The following CAPN15 variants were observed in gnomAD, a reference collection of about 807,000 sequenced individuals.
The protein encoded by CAPN15 is calpain-15.
A neutral mutation model predicts 97.9 loss-of-function variants in CAPN15; 53 were observed. The ratio of observed to expected loss-of-function variants is 0.54; its 90% CI spans 0.43 to 0.68. CAPN15 has a LOEUF of 0.68. Ranked by LOEUF, CAPN15 falls within the 30% of genes least tolerant of loss-of-function variation. The probability of loss-of-function intolerance (pLI) is 0.00; values close to 1 mark genes in which losing one functional copy is unlikely to be tolerated. For missense variants in CAPN15, 1,592 were observed against 1,589.8 expected (o/e 1.00, Z -0.02); for synonymous variants, 922 against 722.5 (o/e 1.28, Z -4.43).
At chr16:551,770 T>G (rs565993956) in intron 9 of CAPN15, 106 bp downstream of exon 9, 31 of 1,442,546 alleles carry the variant, frequency 2.1e-5, no homozygotes, top group Middle Eastern at 1.8e-4. Context: ...GTGGGGCGGC[T>G]TGTTCGTGGC....
chr16:549,575 G>A (rs2034845660), intron 6 of CAPN15, 40 bp from the exon 7 acceptor site: 1 of 1,502,538 alleles, frequency 6.7e-7, no homozygotes, highest in South Asian at 1.2e-5. Flanking sequence ...GGGTAGTGTG[G>A]GGGGCGGGCG....
chr16:537,339 A>G (rs2033804070), intron 3 of CAPN15: 1 of 985,524 alleles, frequency 1.0e-6, no homozygotes, highest in Non-Finnish European at 1.2e-6. Context: ...GCTGGGCACC[A>G]CTTCTGCCTT....
rs2033631944 is a variant in CAPN15 at position 535,406 on chromosome 16, C to G, written c.-136-623C>G. The G allele has an allele frequency of 6.5e-6, 1 of 154,272 alleles. No individual in the cohort carries two copies. The highest frequency in any genetic ancestry group is 1.9e-4 in the East Asian group (1 of 5,196). The allele number at this position is 154,272 out of a possible 1,614,324, so 9.6% of individuals were successfully genotyped here. On this transcript the variant is annotated intron_variant, in intron 2 of 13. Coordinates refer to ENST00000219611, the MANE Select transcript of CAPN15 (RefSeq NM_005632.3). The surrounding 1 kb of genome is among the most constrained non-coding windows in gnomAD (Gnocchi z 6.2). ...GTGCACGTCCCCTGGCTGGATGCTC[C>G]TTGCTGCCCTCACGGGGTGTGTGTG...
chr16:546,889 G>A lies in CAPN15; in HGVS notation c.51G>A (p.Pro17=), dbSNP rs763492209. ...WSCVRCTFLN[P]AGQRQCSICE... ...GTGTGCGCTGCACCTTCCTGAACCC[G>A]GCCGGCCAGCGCCAGTGCTCCATCT... The change falls in exon 4 of 14, where the codon CCG becomes CCA. Residue 17 remains proline, a synonymous_variant. Coordinates refer to ENST00000219611, the MANE Select transcript of CAPN15 (RefSeq NM_005632.3). The A allele has an allele frequency of 4.5e-5, 73 of 1,611,414 alleles. 1 individual carries two copies. Among genetic ancestry groups the A allele is most frequent in the East Asian group, 8.9e-5 (4 of 44,888 alleles).
intron 7 of CAPN15, among the ~76,000 whole-genome samples, chr16:550,232 C>A (rs2034894323): frequency 6.6e-6 from 1 of 152,226 alleles, no homozygotes; most frequent in Non-Finnish European, 1.5e-5. Flanking sequence ...CCCCCAGGGG[C>A]CTCCTCGGAG....
At chr16:532,854 GAA>G (rs1307303121) in intron 1 of CAPN15, among the ~76,000 whole-genome samples, 12 of 105,010 alleles carry the variant, frequency 1.1e-4, no homozygotes, top group Non-Finnish European at 1.6e-4. Flanking sequence ...CTCTGTCAGA[GAA>G]AAAAAAAAAA....
intron 1 of CAPN15, among the ~76,000 whole-genome samples, chr16:529,167 G>T (rs1398275110): frequency 6.6e-6 from 1 of 152,048 alleles, no homozygotes; most frequent in Non-Finnish European, 1.5e-5. Context: ...GTCTGTGTCT[G>T]AGGCTCTCCA....
At chr16:532,188 C>G (rs1309909439) in intron 1 of CAPN15, among the ~76,000 whole-genome samples, 1 of 145,826 alleles carries the variant, frequency 6.9e-6, no homozygotes, top group African/African-American at 2.6e-5. Context: ...TGCAGTTAGC[C>G]GGGATGGCAC....
intron 4 of CAPN15, 142 bp downstream of exon 4, chr16:548,429 G>A (rs970117274): frequency 1.2e-5 from 10 of 856,146 alleles, no homozygotes; most frequent in Admixed American, 3.7e-5. Flanking sequence ...CCTCCGCCCC[G>A]AGGCTCCAAG....
chr16:550,249 G>A (rs1175239110), intron 7 of CAPN15, among the ~76,000 whole-genome samples: 5 of 152,324 alleles, frequency 3.3e-5, no homozygotes, highest in South Asian at 2.1e-4. Context: ...GGAGTGCCCC[G>A]GTGCGAGCAC....
intron 1 of CAPN15, among the ~76,000 whole-genome samples, chr16:533,208 G>A (rs1012406203): frequency 1.1e-4 from 17 of 152,208 alleles, no homozygotes; most frequent in Middle Eastern, 3.2e-3. Flanking sequence ...GTGACAGAGC[G>A]AGGCTCTATC....
At chr16:541,112 G>C (rs1204189358) in intron 3 of CAPN15, among the ~76,000 whole-genome samples, 1 of 152,278 alleles carries the variant, frequency 6.6e-6, no homozygotes, top group East Asian at 1.9e-4. Flanking sequence ...CCTGGCGGCA[G>C]CTCCCACGGG....
At chr16:528,426 T>C (rs2033009268) in intron 1 of CAPN15, among the ~76,000 whole-genome samples, 1 of 152,166 alleles carries the variant, frequency 6.6e-6, no homozygotes, top group Non-Finnish European at 1.5e-5. Context: ...CTTAGGGATG[T>C]TGTGCTTGGT....
chr16:552,626 TC>T lies in CAPN15; in HGVS notation c.2762del (p.Pro921ArgfsTer53). ...APQASSPSAG[V>X]PRASPEPPGH... ...GTAGCCTCCAGCCCCTCGGCAGGGG[TC>T]CCGAGAGCCTCCCCAGAGCCGCCGG... On this transcript the variant is annotated frameshift_variant, in exon 12 of 14. Transcript: ENST00000219611. LOFTEE classifies it high-confidence loss of function. This position sits in a 1 kb window ranked among gnomAD's most constrained non-coding sequence, Gnocchi z 6.4. 6.5e-7 allele frequency: 1 copy of T among 1,536,008 alleles called. No individual in the cohort carries two copies.
At chr16:545,633 C>T (rs2034532897) in intron 3 of CAPN15, among the ~76,000 whole-genome samples, 1 of 152,230 alleles carries the variant, frequency 6.6e-6, no homozygotes, top group East Asian at 1.9e-4. Flanking sequence ...TTGTTTGGTC[C>T]TGGGGACCCG....
chr16:541,061 T>C (rs1375995885), intron 3 of CAPN15, among the ~76,000 whole-genome samples: 3 of 152,200 alleles, frequency 2.0e-5, no homozygotes, highest in East Asian at 1.9e-4. Context: ...CTGAAGGCAA[T>C]GTGCCTGCGT....
At chr16:531,222 C>A (rs1197926745) in intron 1 of CAPN15, among the ~76,000 whole-genome samples, 1 of 152,128 alleles carries the variant, frequency 6.6e-6, no homozygotes, top group Non-Finnish European at 1.5e-5. Flanking sequence ...TTTTTTTGAG[C>A]CAGGGTCGTG....
chr16:547,958 C>T lies in CAPN15; in HGVS notation c.1120C>T (p.His374Tyr). 1 of 1,589,588 alleles carries T rather than the reference C, an allele frequency of 6.3e-7. No homozygotes were observed. The highest frequency in any genetic ancestry group is 8.6e-7 in the Non-Finnish European group (1 of 1,169,478). Residue 374 changes from histidine (H) to tyrosine (Y), a missense_variant, in exon 4 of 14, where the codon CAT becomes TAT. His to Tyr is a moderately conservative substitution (Grantham distance 83). Around this residue, in one of 3 missense-constraint regions of CAPN15, gnomAD observed 883 missense variants for 776.6 expected, o/e 1.14. Transcript: ENST00000219611. ...CTCCAAACTGCACGGCTTCCAGGAGCATGGCGAGCCCCCCACCCACTGCCC... is the reference window on the plus strand; with the variant it reads ...CTCCAAACTGCACGGCTTCCAGGAGTATGGCGAGCCCCCCACCCACTGCCC... Reference protein sequence around the residue: ...GCSKLHGFQEHGEPPTHCPDC... With the variant: ...GCSKLHGFQEYGEPPTHCPDC...
intron 3 of CAPN15, among the ~76,000 whole-genome samples, chr16:541,560 C>T (rs1242515874): frequency 1.3e-5 from 2 of 152,226 alleles, no homozygotes; most frequent in East Asian, 1.9e-4. Context: ...CCGCACCAGC[C>T]GCCTCCCAGT....
Sources: allele counts gnomAD v4.1 joint callset (sites outside exome capture counted in the v4.1 genomes callset), GRCh38; gene constraint gnomAD v4.1.1; regional missense constraint gnomAD v4.1.1; non-coding constraint Gnocchi (gnomAD v3.1); transcripts MANE v1.5; gene names NCBI Gene and HGNC (gene_info 2026-07-23, HGNC 2026-07-21).